Variants in DAB2IP observed in about 807,000 individuals in gnomAD.
The protein encoded by DAB2IP is disabled homolog 2-interacting protein.
A neutral mutation model predicts 107.2 loss-of-function variants in DAB2IP; 28 were observed. The observed-to-expected ratio is 0.26, with a 90% CI of 0.19 to 0.36. DAB2IP has a LOEUF of 0.36. Among genes scored for constraint, DAB2IP ranks in the 10% least tolerant of loss-of-function variants. The pLI is 1.00. For missense variants in DAB2IP, 1,400 were observed against 1,644.7 expected, an observed-to-expected ratio of 0.85 and a Z score of 2.57; for synonymous variants, 755 against 706.4, an observed-to-expected ratio of 1.07 and a Z score of -1.09.
intron 2 of DAB2IP, among the ~76,000 whole-genome samples, chr9:121,689,336 C>T (rs1829044655): frequency 6.6e-6 from 1 of 151,824 alleles, no homozygotes; most frequent in African/African-American, 2.4e-5. Flanking sequence ...CACCCCATAC[C>T]CATGGGCCTT....
In DAB2IP at chr9:121,682,941, A is replaced by C. The variant is rs139508934; in HGVS notation, c.228+4160A>C. On this transcript the variant is annotated intron_variant, in intron 2 of 15. Transcript: ENST00000408936. ...GGCTGGCATGTGCCCTGCAAGTTATAGGGGGCCCTGAATGAGGATGGGGGA... is the reference window on the plus strand; with the variant it reads ...GGCTGGCATGTGCCCTGCAAGTTATCGGGGGCCCTGAATGAGGATGGGGGA... Among the ~76,000 whole-genome samples the C allele has an allele frequency of 3.6e-4, 54 of 152,094 alleles. 1 individual carries two copies. In the East Asian group the frequency reaches 0.01, roughly 29 times the overall value.
At chr9:121,762,627 G>T (rs558638900) in intron 6 of DAB2IP, among the ~76,000 whole-genome samples, 1 of 152,180 alleles carries the variant, frequency 6.6e-6, no homozygotes, top group South Asian at 2.1e-4. Flanking sequence ...AGATGCCTGG[G>T]TCCACCCCTC....
At position 121,584,684 on chromosome 9, in the gene DAB2IP, A is replaced by G. The variant is rs115587850; in HGVS notation, c.40+17456A>G. On this transcript the variant is annotated intron_variant, in intron 1 of 16. Coordinates refer to the DAB2IP transcript ENST00000259371. Reference sequence around the variant, plus strand: ...GTTGGGTAACAGGGAATAGCAACAAAGGACACTTAGTTTCTGGGGCAAAGG... The same window carrying G: ...GTTGGGTAACAGGGAATAGCAACAAGGGACACTTAGTTTCTGGGGCAAAGG... 6.3e-3 allele frequency among the ~76,000 whole-genome samples: 959 copies of G among 152,306 alleles called. 9 individuals are homozygous for G. Among genetic ancestry groups the G allele is most frequent in the African/African-American group, 0.022 (908 of 41,572 alleles).
chr9:121,748,044 C>T (rs939726946), intron 3 of DAB2IP, among the ~76,000 whole-genome samples: 5 of 152,160 alleles, frequency 3.3e-5, no homozygotes, highest in African/African-American at 1.2e-4. Flanking sequence ...TGGCCCAAGT[C>T]ACCCCAGGCA....
chr9:121,774,373 T>A, exon 13 of DAB2IP: 1 of 1,612,626 alleles, frequency 6.2e-7, no homozygotes, highest in Non-Finnish European at 8.5e-7. Flanking sequence ...CCCACAGGGA[T>A]AGGCTAAGGA....
intron 2 of DAB2IP, among the ~76,000 whole-genome samples, chr9:121,691,743 C>A (rs533328762): frequency 6.6e-6 from 1 of 152,260 alleles, no homozygotes; most frequent in South Asian, 2.1e-4. Flanking sequence ...CCCCTGCTCC[C>A]ACCTTCTTCC....
intron 3 of DAB2IP, among the ~76,000 whole-genome samples, chr9:121,703,155 A>G (rs558116990): frequency 3.9e-5 from 6 of 152,354 alleles, no homozygotes; most frequent in South Asian, 2.1e-4. Context: ...TGGGGATGGC[A>G]GCTTCCAGGG....
chr9:121,780,947 C>T (rs995337512), intron 14 of DAB2IP, among the ~76,000 whole-genome samples: 1 of 152,216 alleles, frequency 6.6e-6, no homozygotes, highest in East Asian at 1.9e-4. Flanking sequence ...CCTGAGCTTT[C>T]CACTAGCGCA....
In DAB2IP at chr9:121,734,294, G is replaced by A. The variant is rs562076249; in HGVS notation, c.363-22719G>A. Among the ~76,000 whole-genome samples the A allele has an allele frequency of 2.7e-4, 39 of 143,392 alleles. 2 individuals are homozygous for A. In the South Asian group the frequency reaches 4.4e-3, roughly 16 times the overall value. The allele number at this position is 143,392 out of a possible 152,430, so 94.1% of individuals were successfully genotyped here. ...CGGGAGGCTGAGGCAGGAGAATGGC[G>A]TGAACCCAGGAAGCGGAGCTTGCAG... On this transcript the variant is annotated intron_variant, in intron 3 of 15. Coordinates refer to ENST00000408936, the Ensembl canonical transcript of DAB2IP.
intron 1 of DAB2IP, among the ~76,000 whole-genome samples, chr9:121,586,590 G>A (rs2118918035): frequency 6.6e-6 from 1 of 152,190 alleles, no homozygotes; most frequent in East Asian, 1.9e-4. Context: ...GGCTGAGGCA[G>A]GCAGATTACT....
rs1829674344 is a variant in DAB2IP at position 121,699,881 on chromosome 9, GCCGGGTTTGGCCGAGA to G, written c.362+429_362+444del. Reference sequence around the variant, plus strand: ...GTATCAGATACAAAAGGCATTTTCGGCCGGGTTTGGCCGAGACCGGGCGCTGCCCGTGGTGAGGGGA... The same window carrying G: ...GTATCAGATACAAAAGGCATTTTCGGCCGGGCGCTGCCCGTGGTGAGGGGA... On this transcript the variant is annotated intron_variant, in intron 3 of 15. Coordinates refer to ENST00000408936, the Ensembl canonical transcript of DAB2IP. This position sits in a 1 kb window ranked among gnomAD's most constrained non-coding sequence, Gnocchi z 6.2. 1.3e-5 allele frequency among the ~76,000 whole-genome samples: 2 copies of G among 152,238 alleles called. No homozygotes were observed. The highest frequency in any genetic ancestry group is 6.5e-5 in the Admixed American group (1 of 15,288).
chr9:121,673,228 C>T (rs769910710), intron 1 of DAB2IP, among the ~76,000 whole-genome samples: 38 of 152,278 alleles, frequency 2.5e-4, no homozygotes, highest in Non-Finnish European at 4.9e-4. Flanking sequence ...GCTCCTCACC[C>T]AACCCCATGC....
intron 1 of DAB2IP, among the ~76,000 whole-genome samples, chr9:121,620,407 G>C (rs371704872): frequency 1.3e-4 from 20 of 152,224 alleles, no homozygotes; most frequent in African/African-American, 4.6e-4. Context: ...GTGTGTGTGA[G>C]CTCTGGAGTC....
intron 1 of DAB2IP, among the ~76,000 whole-genome samples, chr9:121,640,373 T>TGA (rs1312328146): frequency 6.6e-6 from 1 of 151,498 alleles, no homozygotes; most frequent in African/African-American, 2.4e-5. Context: ...GGGGCGACAA[T>TGA]GAGAGAGAGA....
At chr9:121,640,909 G>C (rs1051582901) in intron 1 of DAB2IP, among the ~76,000 whole-genome samples, 3 of 152,188 alleles carry the variant, frequency 2.0e-5, no homozygotes, top group Admixed American at 6.5e-5. Context: ...TTGGTAGTGA[G>C]CTCCCTGTCA....
chr9:121,637,731 C>G (rs2797348), intron 1 of DAB2IP, among the ~76,000 whole-genome samples: 66,093 of 152,052 alleles, frequency 0.43, 15,252 homozygotes, highest in African/African-American at 0.58. Flanking sequence ...GAGGCCCAGC[C>G]AGTCAAATGT....
At chr9:121,621,590 C>T (rs1271218773) in intron 1 of DAB2IP, among the ~76,000 whole-genome samples, 1 of 152,044 alleles carries the variant, frequency 6.6e-6, no homozygotes, top group Non-Finnish European at 1.5e-5. Flanking sequence ...AGTCCAGTCC[C>T]CTGTCTCCCA....
chr9:121,614,337 CTTTTTTTTT>C (rs35959966), intron 1 of DAB2IP, among the ~76,000 whole-genome samples: 9 of 102,772 alleles, frequency 8.8e-5, no homozygotes, highest in Non-Finnish European at 1.5e-4. Context: ...TCTTTCTTTT[CTTTTTTTTT>C]TTTTTTTTTT....
Position 121,766,853 on chromosome 9 carries a change from T to C in DAB2IP, c.1697+123T>C, listed in dbSNP as rs12002819. The stretch of plus-strand genomic sequence containing the variant: ...TAAACAGGCCCTGGTTTTGTCCCTG[T>C]CATCCTCAGTCCTTCTCCTTCCCGC... On this transcript the variant is annotated intron_variant, in intron 9 of 15. Transcript: ENST00000408936. 1.4e-3 allele frequency: 1,327 copies of C among 930,496 alleles called. 16 individuals carry two copies. In the African/African-American group the frequency reaches 0.019, roughly 14 times the overall value. 57.6% of individuals were successfully genotyped at this position (930,496 alleles called of 1,614,324 possible).
Sources: allele counts gnomAD v4.1 joint callset (sites outside exome capture counted in the v4.1 genomes callset), GRCh38; gene constraint gnomAD v4.1.1; non-coding constraint Gnocchi (gnomAD v3.1); transcripts MANE v1.5; gene names NCBI Gene and HGNC (gene_info 2026-07-23, HGNC 2026-07-21).